NEGR1: variants seen among roughly 807,000 people sequenced by gnomAD.
NEGR1 encodes neuronal growth regulator 1, also known as IgLON family member 4.
NEGR1 carries 10 observed loss-of-function variants against 40.9 expected under a neutral mutation model. The ratio of observed to expected loss-of-function variants is 0.24; its 90% confidence interval spans 0.15 to 0.42. The LOEUF (loss-of-function observed/expected upper bound fraction) is 0.42. Among genes scored for constraint, NEGR1 ranks in the 10% least tolerant of loss-of-function variants. The pLI is 1.00. For synonymous variants in NEGR1, 185 were observed against 166.8 expected (o/e 1.11, Z -0.84); for missense variants, 352 against 438.9 (o/e 0.80, Z 1.77).
intron 2 of NEGR1, among the ~76,000 whole-genome samples, chr1:71,807,827 CA>C (rs1040683152): frequency 1.8e-4 from 27 of 152,100 alleles, no homozygotes; most frequent in African/African-American, 6.3e-4. Context: ...GTATCATCAC[CA>C]AAAAAGCTCT....
Position 71,493,990 on chromosome 1 carries a change from T to C in NEGR1, c.941-86420A>G, listed in dbSNP as rs555694618. ...TTATCCTTTTGCCTGAAGTGACTTATCTTTACCTGATTTTATCTTCTCTTT... is the reference window on the plus strand; with the variant it reads ...TTATCCTTTTGCCTGAAGTGACTTACCTTTACCTGATTTTATCTTCTCTTT... On this transcript the variant is annotated intron_variant, in intron 6 of 6. Coordinates refer to ENST00000357731, the MANE Select transcript of NEGR1 (RefSeq NM_173808.3). 7.2e-5 allele frequency among the ~76,000 whole-genome samples: 11 copies of C among 152,322 alleles called. No homozygotes were observed. The East Asian group carries it at 2.1e-3, about 29-fold the overall frequency.
chr1:72,054,879 AT>A (rs1030729179), intron 1 of NEGR1, among the ~76,000 whole-genome samples: 3 of 151,098 alleles, frequency 2.0e-5, no homozygotes, highest in Non-Finnish European at 4.5e-5. Flanking sequence ...AGAAGTTATG[AT>A]TTATAATTTT....
At chr1:71,784,276 G>A (rs902680682) in intron 2 of NEGR1, among the ~76,000 whole-genome samples, 10 of 151,882 alleles carry the variant, frequency 6.6e-5, no homozygotes, top group African/African-American at 2.2e-4. Flanking sequence ...CTGATTTACA[G>A]AACACCAGAA....
At chr1:72,262,591 G>A (rs1273252648) in intron 1 of NEGR1, among the ~76,000 whole-genome samples, 1 of 151,730 alleles carries the variant, frequency 6.6e-6, no homozygotes, top group African/African-American at 2.4e-5. Context: ...AAATGCTCAA[G>A]CACTATTAGT....
intron 1 of NEGR1, among the ~76,000 whole-genome samples, chr1:72,233,556 T>G (rs1192275577): frequency 6.6e-6 from 1 of 152,154 alleles, no homozygotes; most frequent in Non-Finnish European, 1.5e-5. Context: ...TTTAGTTTTC[T>G]GTTTCTGCTT....
At chr1:71,955,801 C>A (rs1247969861) in intron 1 of NEGR1, among the ~76,000 whole-genome samples, 1 of 152,122 alleles carries the variant, frequency 6.6e-6, no homozygotes, top group African/African-American at 2.4e-5. Flanking sequence ...TCCTCTTGTG[C>A]TTTTCTGGCC....
chr1:71,755,581 C>T (rs2101692564), intron 3 of NEGR1, among the ~76,000 whole-genome samples: 2 of 152,244 alleles, frequency 1.3e-5, no homozygotes, highest in Middle Eastern at 6.8e-3. Flanking sequence ...CTCAGTTTGT[C>T]CCATGCCCAC....
chr1:71,594,477 G>T (rs1300602136), intron 5 of NEGR1, among the ~76,000 whole-genome samples: 2 of 151,952 alleles, frequency 1.3e-5, no homozygotes, highest in Non-Finnish European at 2.9e-5. Flanking sequence ...GATTACTCTG[G>T]GAATTACTTA....
chr1:72,230,506 A>G (rs1197908032), intron 1 of NEGR1, among the ~76,000 whole-genome samples: 1 of 152,086 alleles, frequency 6.6e-6, no homozygotes, highest in African/African-American at 2.4e-5. Context: ...CTCATTACAA[A>G]CAGAAAACTA....
chr1:71,913,349 A>C (rs534526008), intron 2 of NEGR1, among the ~76,000 whole-genome samples: 3 of 152,134 alleles, frequency 2.0e-5, no homozygotes, highest in Admixed American at 6.6e-5. Context: ...TCCTGACCTC[A>C]GATGATTCGC....
At chr1:72,258,735 T>C (rs1655358112) in intron 1 of NEGR1, among the ~76,000 whole-genome samples, 2 of 152,160 alleles carry the variant, frequency 1.3e-5, no homozygotes, top group Non-Finnish European at 2.9e-5. Context: ...TAGCTTACAA[T>C]TGAAAACTAA....
chr1:71,475,786 C>T (rs1442047670), intron 6 of NEGR1, among the ~76,000 whole-genome samples: 1 of 151,908 alleles, frequency 6.6e-6, no homozygotes, highest in African/African-American at 2.4e-5. Flanking sequence ...GCTTATATTC[C>T]TTCTTTCTCT....
chr1:71,998,755 A>C (rs2100375399), intron 1 of NEGR1, among the ~76,000 whole-genome samples: 1 of 151,374 alleles, frequency 6.6e-6, no homozygotes, highest in East Asian at 1.9e-4. Context: ...GTATATAGTA[A>C]ATAGTGTAAT....
intron 2 of NEGR1, among the ~76,000 whole-genome samples, chr1:71,808,135 G>A (rs1570374920): frequency 6.6e-6 from 1 of 152,134 alleles, no homozygotes; most frequent in African/African-American, 2.4e-5. Context: ...AAACATGCCA[G>A]TAAGATCACC....
At chr1:71,546,684 C>T (rs1296294322) in intron 6 of NEGR1, among the ~76,000 whole-genome samples, 1 of 151,598 alleles carries the variant, frequency 6.6e-6, no homozygotes, top group African/African-American at 2.4e-5. Flanking sequence ...TACAAAGTGA[C>T]ACAGATAGTA....
chr1:72,101,538 C>T (rs770665656), intron 1 of NEGR1, among the ~76,000 whole-genome samples: 8 of 152,042 alleles, frequency 5.3e-5, no homozygotes, highest in Non-Finnish European at 8.8e-5. Flanking sequence ...TAATCTCATA[C>T]AGTTTGAATT....
At chr1:71,645,584 G>C (rs1651502923) in intron 4 of NEGR1, among the ~76,000 whole-genome samples, 1 of 151,790 alleles carries the variant, frequency 6.6e-6, no homozygotes, top group South Asian at 2.1e-4. Context: ...AGTGAAATAA[G>C]TCATTACCTT....
intron 6 of NEGR1, among the ~76,000 whole-genome samples, chr1:71,559,170 A>G (rs1195604191): frequency 6.7e-6 from 1 of 150,340 alleles, no homozygotes; most frequent in African/African-American, 2.4e-5. Context: ...CTTATTTTTA[A>G]TTTCTTTCTT....
intron 2 of NEGR1, among the ~76,000 whole-genome samples, chr1:71,898,214 T>A (rs1369509223): frequency 1.3e-5 from 2 of 152,224 alleles, no homozygotes; most frequent in African/African-American, 4.8e-5. Context: ...AGCTAATACA[T>A]TCTTTCTCAG....
Sources: allele counts gnomAD v4.1 joint callset (sites outside exome capture counted in the v4.1 genomes callset), GRCh38; gene constraint gnomAD v4.1.1; transcripts MANE v1.5; gene names NCBI Gene and HGNC (gene_info 2026-07-23, HGNC 2026-07-21).